BSG: variants seen among roughly 807,000 people sequenced by gnomAD.
BSG encodes the protein basigin (Ok blood group).
A neutral mutation model predicts 43.1 loss-of-function variants in BSG; 37 were observed. The observed-to-expected ratio is 0.86, with a 90% confidence interval of 0.66 to 1.13. BSG has a LOEUF of 1.13. BSG is among the 50% of genes most tolerant of loss of function. The probability of loss-of-function intolerance (pLI) is 0.00; values close to 1 mark genes in which losing one functional copy is unlikely to be tolerated. For synonymous variants in BSG, 309 were observed against 238.7 expected (o/e 1.29, Z -2.72); for missense variants, 599 against 554.2 (o/e 1.08, Z -0.81).
intron 1 of BSG, among the ~76,000 whole-genome samples, chr19:574,217 T>C (rs1475000465): frequency 1.4e-5 from 2 of 145,702 alleles, no homozygotes; most frequent in Non-Finnish European, 3.0e-5. Context: ...ATCATGCCAC[T>C]GCACTCCAGC....
In BSG at chr19:577,886, G is replaced by T. The variant is rs1034991071; in HGVS notation, c.180G>T (p.Gly60=). The T allele has an allele frequency of 1.9e-6, 3 of 1,583,300 alleles. No homozygotes were observed. Among genetic ancestry groups the T allele is most frequent in the African/African-American group, 1.3e-5 (1 of 74,640 alleles). The part of the protein sequence containing the change: ...PVPEIQWWFE[G]QGPNDTCSQL... ...CCGAGATCCAGTGGTGGTTTGAAGGGCAGGGTCCCAACGACACCTGCTCCC... is the reference window on the plus strand; with the variant it reads ...CCGAGATCCAGTGGTGGTTTGAAGGTCAGGGTCCCAACGACACCTGCTCCC... Residue 60 remains glycine (G), a synonymous_variant, in exon 2 of 9, where the codon GGG becomes GGT. Transcript: ENST00000333511.
chr19:579,912 G>C (rs1010129636), intron 3 of BSG: 11 of 533,614 alleles, frequency 2.1e-5, no homozygotes, highest in African/African-American at 3.9e-5. Flanking sequence ...GGCACGAAAG[G>C]GCGCCACACT....
upstream of BSG, chr19:571,876 G>T: frequency 4.4e-6 from 2 of 450,436 alleles, no homozygotes; most frequent in Non-Finnish European, 8.1e-6. Flanking sequence ...CGCCACCTGC[G>T]AGGAAAGAAG....
intron 1 of BSG, among the ~76,000 whole-genome samples, chr19:573,883 G>A (rs1272932710): frequency 2.0e-5 from 3 of 152,344 alleles, no homozygotes; most frequent in Non-Finnish European, 4.4e-5. Flanking sequence ...GTTTTTCCGG[G>A]AGAAAAGCAT....
chr19:574,801 T>G (rs772302265), intron 1 of BSG, among the ~76,000 whole-genome samples: 8 of 152,186 alleles, frequency 5.3e-5, no homozygotes, highest in Admixed American at 1.3e-4. Context: ...ATCGAATGTC[T>G]CCTGGGCAAG....
In BSG at chr19:580,688, A is replaced by T; in HGVS notation, c.698A>T (p.Asn233Ile). ...GCTGTGAAGTCGTCAGAACACATCAACGAGGGGGAGACGGCCATGCTGGTC... is the reference window on the plus strand; with the variant it reads ...GCTGTGAAGTCGTCAGAACACATCATCGAGGGGGAGACGGCCATGCTGGTC... ...VKAVKSSEHI[N>I]EGETAMLVCK... The change falls in exon 5 of 9, where the codon AAC becomes ATC. Residue 233 changes from asparagine to isoleucine, a missense_variant. Coordinates refer to ENST00000333511, the MANE Select transcript of BSG (RefSeq NM_001728.4). The T allele has an allele frequency of 6.2e-7, 1 of 1,612,812 alleles. No homozygotes were observed. Among genetic ancestry groups the T allele is most frequent in the Non-Finnish European group, 8.5e-7 (1 of 1,179,960 alleles).
At position 579,515 on chromosome 19, in the gene BSG, C is replaced by T. The variant is rs775736165; in HGVS notation, c.431C>T (p.Thr144Ile). 2 of 1,612,712 alleles carry T rather than the reference C, an allele frequency of 1.2e-6. No homozygotes were observed. The highest frequency in any genetic ancestry group is 1.3e-5 in the African/African-American group (1 of 75,078). Reference sequence around the variant, plus strand: ...GGCCTTGCAGCCGGCACAGTCTTCACTACCGTAGAAGACCTTGGCTCCAAG... The same window carrying T: ...GGCCTTGCAGCCGGCACAGTCTTCATTACCGTAGAAGACCTTGGCTCCAAG... ...VLVLEPGTVF[T>I]TVEDLGSKIL... The change falls in exon 3 of 9, where the codon ACT becomes ATT. Residue 144 changes from threonine to isoleucine, a missense_variant. Coordinates refer to ENST00000333511, the MANE Select transcript of BSG (RefSeq NM_001728.4).
rs138600800 is a variant in BSG at position 580,299 on chromosome 19, T to C, written c.573-80T>C. 9.1e-3 allele frequency: 12,119 copies of C among 1,332,832 alleles called. 64 individuals are homozygous for C. Among genetic ancestry groups the C allele is most frequent in the Non-Finnish European group, 0.011 (10,752 of 950,254 alleles). 82.6% of individuals were successfully genotyped at this position (1,332,832 alleles called of 1,614,324 possible). A position where few individuals can be genotyped will look rare whatever the true frequency, so the allele number is the denominator to read the frequency against. On this transcript the variant is annotated intron_variant, in intron 3 of 8. Coordinates refer to ENST00000333511, the MANE Select transcript of BSG (RefSeq NM_001728.4). The stretch of plus-strand genomic sequence containing the variant: ...GTTTTGCTTTTTCACTGTGCCGTGG[T>C]TGGGCCCCTGGAGAACCCTGGGTCC...
rs759584841 is a variant in BSG, at chr19:578,130, C to T, written c.415+9C>T. ...CGTGCTAGTCCTGGAACGTGAGTGGCGGGCACCTCCCTCCCCGCCTCCCTC... is the reference window on the plus strand; with the variant it reads ...CGTGCTAGTCCTGGAACGTGAGTGGTGGGCACCTCCCTCCCCGCCTCCCTC... On this transcript the variant is annotated intron_variant, in intron 2 of 8. Transcript: ENST00000333511. The T allele has an allele frequency of 1.6e-5, 24 of 1,536,252 alleles. No homozygotes were observed. Among genetic ancestry groups the T allele is most frequent in the Admixed American group, 3.8e-5 (2 of 52,238 alleles).
In BSG at chr19:581,584, C is replaced by T. The variant is rs1424979523; in HGVS notation, c.1062C>T (p.Val354=). ...IYEKRRKPED[V]LDDDDAGSAP... ...AGAAGCGCCGGAAGCCCGAGGACGT[C>T]CTGGATGGTGAGCCGTCTGCCCTCC... Residue 354 remains valine (V), a synonymous_variant, in exon 6 of 9, where the codon GTC becomes GTT. Coordinates refer to ENST00000333511, the MANE Select transcript of BSG (RefSeq NM_001728.4). 1.3e-6 allele frequency: 2 copies of T among 1,590,858 alleles called. No homozygotes were observed. Among genetic ancestry groups the T allele is most frequent in the African/African-American group, 2.7e-5 (2 of 74,472 alleles).
intron 6 of BSG, among the ~76,000 whole-genome samples, chr19:582,004 G>T (rs901934467): frequency 6.6e-6 from 1 of 152,256 alleles, no homozygotes; most frequent in Non-Finnish European, 1.5e-5. Flanking sequence ...GTGTGCCGGG[G>T]CGAGGCCTGT....
In BSG at chr19:583,056, A is replaced by G. The variant is rs1302224812; in HGVS notation, c.*312A>G. 1 of 176,824 alleles carries G rather than the reference A, an allele frequency of 5.7e-6. No individual in the cohort carries two copies. Among genetic ancestry groups the G allele is most frequent in the Non-Finnish European group, 1.2e-5 (1 of 82,286 alleles). The allele number at this position is 176,824 out of a possible 1,614,324, so 11.0% of individuals were successfully genotyped here. On this transcript the variant is annotated 3_prime_UTR_variant, in exon 9 of 9. Transcript: ENST00000333511. ...ACAGCCTTCTCCACTGGCCGGAGTC[A>G]GTGCCAGGTCCTTGCCCTTTGTGGA... is the stretch of plus-strand genomic sequence containing the variant.
At chr19:579,273 T>TGCCTTCCCGAAGGGGCC (rs1568351442) in intron 2 of BSG, 1 of 585,452 alleles carries the variant, frequency 1.7e-6, no homozygotes, top group Admixed American at 2.3e-5. Flanking sequence ...CCGAAGGGGG[T>TGCCTTCCCGAAGGGGCC]GCCTTCCCGA....
upstream of BSG, chr19:572,147 G>A (rs1166214544): frequency 6.6e-6 from 1 of 152,066 alleles, no homozygotes. Context: ...CCATGTTGCC[G>A]CGTCTGGTCT....
chr19:572,940 C>T (rs1427298112), intron 1 of BSG, among the ~76,000 whole-genome samples: 2 of 112,774 alleles, frequency 1.8e-5, no homozygotes, highest in Non-Finnish European at 1.8e-5. Context: ...GCGCTCCGGC[C>T]TCGAGCCCGG....
chr19:576,173 C>T (rs1981756407), intron 1 of BSG, among the ~76,000 whole-genome samples: 1 of 152,234 alleles, frequency 6.6e-6, no homozygotes, highest in Non-Finnish European at 1.5e-5. Flanking sequence ...CCACCTGGTC[C>T]TCCTCACTTT....
intron 1 of BSG, among the ~76,000 whole-genome samples, chr19:576,748 CA>C (rs140723018): frequency 0.29 from 35,770 of 122,068 alleles, 4,556 homozygotes; most frequent in East Asian, 0.49. Context: ...GACTCTGTCT[CA>C]AAAAAAAAAA....
At chr19:577,056 C>T (rs1282506451) in intron 1 of BSG, among the ~76,000 whole-genome samples, 1 of 152,146 alleles carries the variant, frequency 6.6e-6, no homozygotes, top group Non-Finnish European at 1.5e-5. Context: ...AGGAGGCACT[C>T]CCCACGCTTC....
In BSG at chr19:577,853, C is replaced by T; in HGVS notation, c.147C>T (p.Ser49=). The T allele has an allele frequency of 1.3e-6, 2 of 1,540,274 alleles. No homozygotes were observed. Among genetic ancestry groups the T allele is most frequent in the Non-Finnish European group, 8.8e-7 (1 of 1,136,862 alleles). ...AGCTGCACTGCGAGGCCGTGGGCAG[C>T]CCGGTGCCCGAGATCCAGTGGTGGT... ...SVELHCEAVG[S]PVPEIQWWFE... The change falls in exon 2 of 9, where the codon AGC becomes AGT. Residue 49 remains serine, a synonymous_variant. Transcript: ENST00000333511.
Sources: allele counts gnomAD v4.1 joint callset (sites outside exome capture counted in the v4.1 genomes callset), GRCh38; gene constraint gnomAD v4.1.1; transcripts MANE v1.5; gene names NCBI Gene and HGNC (gene_info 2026-07-23, HGNC 2026-07-21).